E4F1: variants seen among roughly 807,000 people sequenced by gnomAD.
The protein encoded by E4F1 is E4F transcription factor 1.
Under a neutral mutation model 72.9 loss-of-function variants are expected in E4F1, and 30 were observed. The ratio of observed to expected loss-of-function variants is 0.41; its 90% CI spans 0.31 to 0.56. The LOEUF (loss-of-function observed/expected upper bound fraction) is 0.56, where lower values mean the gene tolerates loss of function less well. E4F1 is among the 20% of genes least tolerant of loss of function. E4F1 has a pLI of 0.25. For missense variants in E4F1, 1,091 were observed against 1,117.5 expected, an observed-to-expected ratio of 0.98 and a Z score of 0.34; for synonymous variants, 542 against 478.2, an observed-to-expected ratio of 1.13 and a Z score of -1.74.
chr16:2,223,960 C>A (rs1299047950), intron 1 of E4F1, 190 bp downstream of exon 1: 1 of 1,517,214 alleles, frequency 6.6e-7, no homozygotes, highest in Non-Finnish European at 8.8e-7. Flanking sequence ...GCCTCTCCTG[C>A]GGGGCGCCTG....
Position 2,232,719 on chromosome 16 carries a change from C to T in E4F1, c.731-37C>T, listed in dbSNP as rs750279613. On this transcript the variant is annotated intron_variant, in intron 5 of 13. Transcript: ENST00000301727. The stretch of plus-strand genomic sequence containing the variant: ...GCCTTGTCACCTTGTCGCCAGCCTG[C>T]TGGGGCTGCCCGGGGCTGACTAGGT... 1.9e-6 allele frequency: 3 copies of T among 1,611,016 alleles called. No individual in the cohort carries two copies. The African/African-American group carries it at 4.0e-5, about 22-fold the overall frequency.
intron 2 of E4F1, 53 bp from the exon 3 acceptor site, chr16:2,229,517 A>C (rs2093453079): frequency 5.1e-6 from 8 of 1,567,950 alleles, no homozygotes; most frequent in Non-Finnish European, 7.0e-6. Context: ...CTTCTCTGAG[A>C]ACTAACTCTG....
chr16:2,228,245 G>C, intron 1 of E4F1, 127 bp from the exon 2 acceptor site: 1 of 1,265,682 alleles, frequency 7.9e-7, no homozygotes, highest in Non-Finnish European at 1.1e-6. Flanking sequence ...CAGCAGCCTG[G>C]GGAAGTAGCT....
chr16:2,225,460 C>A (rs1235642048), intron 1 of E4F1, among the ~76,000 whole-genome samples: 2 of 151,078 alleles, frequency 1.3e-5, no homozygotes, highest in African/African-American at 4.9e-5. Flanking sequence ...CATAGTAAGA[C>A]CCCGTCTCTA....
chr16:2,230,584 C>T (rs188481446), intron 3 of E4F1: 343 of 152,088 alleles, frequency 2.3e-3, no homozygotes, highest in Non-Finnish European at 3.7e-3. Context: ...GGGCACCAGG[C>T]GGAACCTGGC....
intron 3 of E4F1, chr16:2,231,949 G>A (rs1389712093): frequency 1.7e-6 from 1 of 589,082 alleles, no homozygotes; most frequent in Non-Finnish European, 3.0e-6. Flanking sequence ...GAGCATCTCT[G>A]GGCAGCCTGA....
chr16:2,233,906 G>A lies in E4F1; in HGVS notation c.1291G>A (p.Val431Met). The change falls in exon 9 of 14, where the codon GTG becomes ATG. Residue 431 changes from valine (V) to methionine (M), a missense_variant. Val to Met is a conservative substitution (Grantham distance 21). Transcript: ENST00000301727. ...GCAGGTGGCCAGCGAGGCCTCAGCG[G>A]TGCCCAGGACCCACCCATGTCCTCA... Reference protein sequence around the residue: ...ETQVASEASAVPRTHPCPQCS... With the variant: ...ETQVASEASAMPRTHPCPQCS... The A allele has an allele frequency of 6.2e-7, 1 of 1,600,824 alleles. No homozygotes were observed. The highest frequency in any genetic ancestry group is 8.5e-7 in the Non-Finnish European group (1 of 1,174,262).
intron 1 of E4F1, among the ~76,000 whole-genome samples, chr16:2,228,095 G>A (rs1176780646): frequency 6.6e-5 from 10 of 152,228 alleles, no homozygotes; most frequent in Non-Finnish European, 1.0e-4. Flanking sequence ...AGCCTTAGCA[G>A]GTCCCTGCAG....
At chr16:2,232,937 C>T (rs779313063) in intron 6 of E4F1, 29 bp downstream of exon 6, 18 of 1,612,714 alleles carry the variant, frequency 1.1e-5, no homozygotes, top group Non-Finnish European at 9.3e-6. Context: ...GCTGCCTGGT[C>T]CTGGGGGCTG....
intron 3 of E4F1, 73 bp from the exon 4 acceptor site, chr16:2,232,098 C>T: frequency 6.3e-7 from 1 of 1,578,180 alleles, no homozygotes; most frequent in Non-Finnish European, 8.6e-7. Context: ...GGTCCCCTCC[C>T]CTGGAGCCAG....
In E4F1 at chr16:2,228,558, G is replaced by C. The variant is rs771297738; in HGVS notation, c.309+35G>C. On this transcript the variant is annotated intron_variant, in intron 2 of 13. Coordinates refer to ENST00000301727, the MANE Select transcript of E4F1 (RefSeq NM_004424.5). ...CACCCACTCCCCCATCCCCTCCCGGGTTCACCTGACAGGTGGGGGAGGTGG... is the reference window on the plus strand; with the variant it reads ...CACCCACTCCCCCATCCCCTCCCGGCTTCACCTGACAGGTGGGGGAGGTGG... The C allele has an allele frequency of 3.7e-6, 6 of 1,601,410 alleles. No homozygotes were observed. In the African/African-American group the frequency reaches 6.7e-5, roughly 18 times the overall value.
chr16:2,233,760 C>G, intron 8 of E4F1, 113 bp downstream of exon 8: 1 of 1,419,624 alleles, frequency 7.0e-7, no homozygotes, highest in South Asian at 1.3e-5. Flanking sequence ...GTCCATTGAT[C>G]TGTTTACTGC....
chr16:2,229,683 G>A lies in E4F1; in HGVS notation c.415+8G>A, dbSNP rs182234785. 352 of 1,612,266 alleles carry A rather than the reference G, an allele frequency of 2.2e-4. 3 individuals carry two copies. In the East Asian group the frequency reaches 4.8e-3, roughly 22 times the overall value. On this transcript the variant is annotated splice_region_variant and intron_variant, in intron 3 of 13. Coordinates refer to ENST00000301727, the MANE Select transcript of E4F1 (RefSeq NM_004424.5). Reference sequence around the variant, plus strand: ...ACGCATCTGACCTTGTTGGTAAGCCGACTTCCATGAATCGCTGGCCTGATA... The same window carrying A: ...ACGCATCTGACCTTGTTGGTAAGCCAACTTCCATGAATCGCTGGCCTGATA...
At chr16:2,232,709 C>T (rs753559375) in intron 5 of E4F1, 47 bp from the exon 6 acceptor site, 28 of 1,610,330 alleles carry the variant, frequency 1.7e-5, no homozygotes, top group African/African-American at 5.3e-5. Flanking sequence ...GTCACCTTGT[C>T]GCCAGCCTGC....
intron 1 of E4F1, 22 bp from the exon 2 acceptor site, chr16:2,228,350 G>A: frequency 1.9e-6 from 3 of 1,613,414 alleles, no homozygotes; most frequent in Non-Finnish European, 2.5e-6. Context: ...CCCAGGCCCT[G>A]CTGACAGCAG....
In E4F1 at chr16:2,233,654, G is replaced by A; in HGVS notation, c.1266+7G>A. On this transcript the variant is annotated splice_region_variant and intron_variant, in intron 8 of 13. Transcript: ENST00000301727. Reference sequence around the variant, plus strand: ...AGTGCAGCCGCTGGAGACAGTAGGTGCCAGCACCACCTGCGGGCTCCTCCC... The same window carrying A: ...AGTGCAGCCGCTGGAGACAGTAGGTACCAGCACCACCTGCGGGCTCCTCCC... 3.9e-6 allele frequency: 6 copies of A among 1,525,290 alleles called. No homozygotes were observed. The highest frequency in any genetic ancestry group is 4.4e-6 in the Non-Finnish European group (5 of 1,137,152). The allele number at this position is 1,525,290 out of a possible 1,614,324, so 94.5% of individuals were successfully genotyped here.
At chr16:2,228,177 C>G (rs554506593) in intron 1 of E4F1, 195 bp from the exon 2 acceptor site, 3 of 718,348 alleles carry the variant, frequency 4.2e-6, no homozygotes, top group Non-Finnish European at 4.8e-6. Context: ...CCCTGCAGAC[C>G]TGCAGAGGAT....
intron 5 of E4F1, 32 bp from the exon 6 acceptor site, chr16:2,232,724 G>T: frequency 6.2e-7 from 1 of 1,611,362 alleles, no homozygotes; most frequent in Non-Finnish European, 8.5e-7. Flanking sequence ...GCCTGCTGGG[G>T]CTGCCCGGGG....
rs772106584 is a variant in E4F1, at chr16:2,228,467, G to C, written c.253G>C (p.Ala85Pro). Residue 85 changes from alanine to proline, a missense_variant, in exon 2 of 14, where the codon GCC becomes CCC. This residue lies in a region of E4F1 where 362 missense variants were observed against 358.6 expected (regional missense o/e 1.01). Transcript: ENST00000301727. ...CAAGATTCAGAAGGCCTGCCAGCGGGCCCCTCCGGAGGCCCTGCCTGCCAC... is the reference window on the plus strand; with the variant it reads ...CAAGATTCAGAAGGCCTGCCAGCGGCCCCCTCCGGAGGCCCTGCCTGCCAC... ...QHKIQKACQR[A>P]PPEALPATPA... The C allele has an allele frequency of 1.2e-6, 2 of 1,613,140 alleles. No individual in the cohort carries two copies. Among genetic ancestry groups the C allele is most frequent in the Admixed American group, 3.3e-5 (2 of 60,028 alleles).
Sources: allele counts gnomAD v4.1 joint callset (sites outside exome capture counted in the v4.1 genomes callset), GRCh38; gene constraint gnomAD v4.1.1; regional missense constraint gnomAD v4.1.1; transcripts MANE v1.5; gene names NCBI Gene and HGNC (gene_info 2026-07-23, HGNC 2026-07-21).